The following LPAR1 variants were observed in gnomAD, a reference collection of about 807,000 sequenced individuals.
The protein encoded by LPAR1 is LPA receptor 1.
Under a neutral mutation model 23.8 loss-of-function variants are expected in LPAR1, and 5 were observed. The ratio of observed to expected loss-of-function variants is 0.21; its 90% CI spans 0.11 to 0.44. LPAR1 has a LOEUF of 0.44. Ranked by LOEUF, LPAR1 falls within the 20% of genes least tolerant of loss-of-function variation. The pLI is 0.99. For synonymous variants in LPAR1, 160 were observed against 164.7 expected, an observed-to-expected ratio of 0.97 and a Z score of 0.22; for missense variants, 311 against 482.8, an observed-to-expected ratio of 0.64 and a Z score of 3.33.
chr9:110,880,457 T>C (rs1441296498), intron 5 of LPAR1, among the ~76,000 whole-genome samples: 1 of 152,230 alleles, frequency 6.6e-6, no homozygotes, highest in Non-Finnish European at 1.5e-5. Context: ...AGTTGAACTT[T>C]GCTTACATAT....
chr9:110,891,489 G>A (rs2084163477), intron 5 of LPAR1, among the ~76,000 whole-genome samples: 1 of 152,144 alleles, frequency 6.6e-6, no homozygotes, highest in South Asian at 2.1e-4. Context: ...AAAGTCACAG[G>A]TTTAAGCTAG....
intron 5 of LPAR1, among the ~76,000 whole-genome samples, chr9:110,903,160 CT>C (rs1310271718): frequency 6.6e-6 from 1 of 152,102 alleles, no homozygotes; most frequent in African/African-American, 2.4e-5. Flanking sequence ...CACAACTTGA[CT>C]GTGAAATGAC....
intron 2 of LPAR1, among the ~76,000 whole-genome samples, chr9:111,013,203 C>T (rs1031114771): frequency 6.6e-6 from 1 of 152,006 alleles, no homozygotes; most frequent in Non-Finnish European, 1.5e-5. Flanking sequence ...CTGTTGGGGT[C>T]GTAGTTTTAA....
At chr9:110,992,907 T>G (rs938558236) in intron 2 of LPAR1, among the ~76,000 whole-genome samples, 1 of 152,178 alleles carries the variant, frequency 6.6e-6, no homozygotes, top group Admixed American at 6.5e-5. Flanking sequence ...ACCATCTTCA[T>G]TGCAGTGATA....
At chr9:110,966,938 A>T (rs543731508) in intron 4 of LPAR1, among the ~76,000 whole-genome samples, 36 of 152,312 alleles carry the variant, frequency 2.4e-4, no homozygotes, top group African/African-American at 8.4e-4. Flanking sequence ...GTAATGCTTA[A>T]CACAGTGCTA....
Position 110,875,444 on chromosome 9 carries a change from T to C in LPAR1, c.1072A>G (p.Ser358Gly), listed in dbSNP as rs1170045607. 2 of 1,613,670 alleles carry C rather than the reference T, an allele frequency of 1.2e-6. No homozygotes were observed. Among genetic ancestry groups the C allele is most frequent in the South Asian group, 2.2e-5 (2 of 91,050 alleles). ...LNHTILAGVHSNDHSVV is the reference protein window; with the variant it reads ...LNHTILAGVHGNDHSVV The stretch of plus-strand genomic sequence containing the variant: ...TTCTAAACCACAGAGTGGTCATTGC[T>C]GTGAACTCCAGCCAAGATGGTGTGG... The change falls in exon 6 of 6, where the codon AGC becomes GGC. Residue 358 changes from serine (S) to glycine (G), a missense_variant. This residue lies in a region of LPAR1 where 250 missense variants were observed against 427.2 expected (regional missense o/e 0.59). Coordinates refer to ENST00000683809, the MANE Select transcript of LPAR1 (RefSeq NM_001351411.2).
intron 2 of LPAR1, among the ~76,000 whole-genome samples, chr9:111,014,248 T>G (rs2097392466): frequency 1.3e-5 from 2 of 152,180 alleles, no homozygotes; most frequent in African/African-American, 4.8e-5. Context: ...TGGGGAAAAC[T>G]TAAGGACAAG....
chr9:110,903,039 T>A (rs1275410355), intron 5 of LPAR1, among the ~76,000 whole-genome samples: 2 of 152,204 alleles, frequency 1.3e-5, no homozygotes, highest in African/African-American at 4.8e-5. Context: ...CTAAATGGGA[T>A]GACTGCCTAC....
At chr9:111,025,976 T>C (rs189713469) in intron 2 of LPAR1, among the ~76,000 whole-genome samples, 185 of 152,318 alleles carry the variant, frequency 1.2e-3, no homozygotes, top group Middle Eastern at 6.8e-3. Context: ...CCTCCAGCTT[T>C]GTTCTTTTTG....
intron 4 of LPAR1, among the ~76,000 whole-genome samples, chr9:110,957,723 A>C (rs1031476682): frequency 9.2e-5 from 14 of 152,188 alleles, no homozygotes; most frequent in African/African-American, 3.4e-4. Flanking sequence ...ATAATACTAG[A>C]AGTTCCAGCC....
In LPAR1 at chr9:110,900,031, C is replaced by G. The variant is rs544534178; in HGVS notation, c.794-24309G>C. Among the ~76,000 whole-genome samples, 12 of 152,330 alleles carry G rather than the reference C, an allele frequency of 7.9e-5. No individual in the cohort carries two copies. The South Asian group carries it at 2.5e-3, about 32-fold the overall frequency. ...GTTATATGAGACAAATAGCAACCCTCTTAAAAATAACTCACTTATTTGTAT... is the reference window on the plus strand; with the variant it reads ...GTTATATGAGACAAATAGCAACCCTGTTAAAAATAACTCACTTATTTGTAT... On this transcript the variant is annotated intron_variant, in intron 5 of 5. Coordinates refer to ENST00000683809, the MANE Select transcript of LPAR1 (RefSeq NM_001351411.2).
In LPAR1 at chr9:110,987,630, T is replaced by C. The variant is rs367812881; in HGVS notation, c.-181-14072A>G. Among the ~76,000 whole-genome samples, 4 of 150,772 alleles carry C rather than the reference T, an allele frequency of 2.7e-5. 1 individual carries two copies. The South Asian group carries it at 6.3e-4, about 24-fold the overall frequency. On this transcript the variant is annotated intron_variant, in intron 2 of 5. Transcript: ENST00000683809. Reference sequence around the variant, plus strand: ...CTGGGGAGTAGGTAAGGAGAACCCATTGGGCAGTTACACCACAGACAGCCC... The same window carrying C: ...CTGGGGAGTAGGTAAGGAGAACCCACTGGGCAGTTACACCACAGACAGCCC...
At chr9:110,950,613 T>C (rs2095540027) in intron 4 of LPAR1, among the ~76,000 whole-genome samples, 1 of 151,996 alleles carries the variant, frequency 6.6e-6, no homozygotes, top group South Asian at 2.1e-4. Flanking sequence ...CATCAAGCCA[T>C]ATGAATCAAC....
At chr9:110,978,283 GA>G in intron 2 of LPAR1, among the ~76,000 whole-genome samples, 1 of 152,190 alleles carries the variant, frequency 6.6e-6, no homozygotes, top group East Asian at 1.9e-4. Flanking sequence ...GCAGAAAGTA[GA>G]ATATTTTTAA....
intron 4 of LPAR1, among the ~76,000 whole-genome samples, chr9:110,968,479 C>G (rs1368867715): frequency 6.6e-6 from 1 of 152,106 alleles, no homozygotes; most frequent in Non-Finnish European, 1.5e-5. Context: ...ACTTGACATT[C>G]ACCTATGCTT....
rs561096411 is a variant in LPAR1, at chr9:110,979,190, T to C, written c.-181-5632A>G. 3.9e-5 allele frequency among the ~76,000 whole-genome samples: 6 copies of C among 152,196 alleles called. No homozygotes were observed. The East Asian group carries it at 5.8e-4, about 15-fold the overall frequency. On this transcript the variant is annotated intron_variant, in intron 2 of 5. Transcript: ENST00000683809. ...ATATATATATACTCAAAACATCATA[T>C]TGTGCATGATAAATACTTATAATTT...
At chr9:110,986,491 G>A (rs1049910408) in intron 2 of LPAR1, among the ~76,000 whole-genome samples, 5 of 151,990 alleles carry the variant, frequency 3.3e-5, no homozygotes, top group Admixed American at 3.3e-4. Flanking sequence ...GATTGCTTGA[G>A]CCCAGGAGTT....
intron 5 of LPAR1, among the ~76,000 whole-genome samples, chr9:110,918,140 G>A (rs965145995): frequency 1.3e-4 from 19 of 151,806 alleles, no homozygotes; most frequent in African/African-American, 1.7e-4. Context: ...GGCTGGTCTC[G>A]AACTCCTAAG....
chr9:110,900,894 C>A (rs2088643461), intron 5 of LPAR1, among the ~76,000 whole-genome samples: 1 of 152,138 alleles, frequency 6.6e-6, no homozygotes, highest in East Asian at 1.9e-4. Context: ...TAGATTTTTG[C>A]TCATATGTGC....
Sources: allele counts gnomAD v4.1 joint callset (sites outside exome capture counted in the v4.1 genomes callset), GRCh38; gene constraint gnomAD v4.1.1; regional missense constraint gnomAD v4.1.1; transcripts MANE v1.5; gene names NCBI Gene and HGNC (gene_info 2026-07-23, HGNC 2026-07-21).